The following DRP2 variants were observed in gnomAD, a reference collection of about 807,000 sequenced individuals.
DRP2 encodes the protein dystrophin related protein 2.
Under a neutral mutation model 78.2 loss-of-function variants are expected in DRP2, and 29 were observed. The ratio of observed to expected loss-of-function variants is 0.37; its 90% CI spans 0.28 to 0.51. The LOEUF is 0.51. DRP2 is among the 20% of genes least tolerant of loss of function. The probability of loss-of-function intolerance (pLI) is 0.94; values close to 1 mark genes in which losing one functional copy is unlikely to be tolerated. For synonymous variants in DRP2, 290 were observed against 281.9 expected, an observed-to-expected ratio of 1.03 and a Z score of -0.29; for missense variants, 686 against 770.6, an observed-to-expected ratio of 0.89 and a Z score of 1.30.
Position 101,248,216 on chromosome X carries a change from G to C in DRP2, c.1380G>C (p.Glu460Asp). 1 of 1,211,856 alleles carries C rather than the reference G, an allele frequency of 8.3e-7. No homozygotes were observed. Among genetic ancestry groups the C allele is most frequent in the Non-Finnish European group, 1.1e-6 (1 of 895,525 alleles). Residue 460 changes from glutamate to aspartate, a missense_variant, in exon 13 of 24, where the codon GAG (glutamate) becomes GAC (aspartate). Physicochemically the swap from Glu to Asp is conservative, Grantham distance 45. Coordinates refer to ENST00000395209, the MANE Select transcript of DRP2 (RefSeq NM_001939.3). ...CTGCCTTATATGAACGTTTGGAGGA[G>C]GAAAGAGGCATCCTGGTCAACGTGC... ...CLTALYERLE[E>D]ERGILVNVPL...
Position 101,242,987 on chromosome X carries a change from G to A in DRP2, c.1054+5G>A. On this transcript the variant is annotated splice_donor_5th_base_variant and intron_variant, in intron 9 of 23. Coordinates refer to ENST00000395209, the MANE Select transcript of DRP2 (RefSeq NM_001939.3). Reference sequence around the variant, plus strand: ...GGTCACAGCACTTTCTCTCCTGTACGTGAACCAAACTGGACTCCACTTAGC... The same window carrying A: ...GGTCACAGCACTTTCTCTCCTGTACATGAACCAAACTGGACTCCACTTAGC... 1 of 1,208,274 alleles carries A rather than the reference G, an allele frequency of 8.3e-7. No homozygotes were observed.
At chrX:101,235,731 A>G (rs781310438) in intron 3 of DRP2, 129 bp from the exon 4 acceptor site, 1 of 655,608 alleles carries the variant, frequency 1.5e-6, no homozygotes, top group South Asian at 3.2e-5. Context: ...GAACACACAG[A>G]GAATAGCATT....
intron 10 of DRP2, 68 bp downstream of exon 10, chrX:101,245,145 C>T (rs1463695798): frequency 6.7e-6 from 7 of 1,050,259 alleles, no homozygotes; most frequent in Non-Finnish European, 9.2e-6. Context: ...TGCCTTTTTG[C>T]TACCTGTCCT....
intron 3 of DRP2, among the ~76,000 whole-genome samples, chrX:101,232,076 C>T (rs1270401807): frequency 9.0e-6 from 1 of 110,667 alleles, no homozygotes; most frequent in Admixed American, 9.6e-5. Flanking sequence ...TCCTTCAGGG[C>T]ATGGTCTAGG....
At chrX:101,237,843 C>T in intron 5 of DRP2, 68 bp downstream of exon 5, 1 of 997,303 alleles carries the variant, frequency 1.0e-6, no homozygotes. Flanking sequence ...TCTTCAGTAC[C>T]CTGACAGACA....
rs1320840226 is a variant in DRP2, at chrX:101,262,890, T to C, written c.*2269T>C. The C allele has an allele frequency of 4.5e-5, 5 of 110,950 alleles. No individual in the cohort carries two copies. The highest frequency in any genetic ancestry group is 1.3e-4 in the African/African-American group (4 of 30,442). The allele number at this position is 110,950 out of a possible 1,213,427, so 9.1% of individuals were successfully genotyped here. On this transcript the variant is annotated 3_prime_UTR_variant, in exon 24 of 24. Coordinates refer to ENST00000395209, the MANE Select transcript of DRP2 (RefSeq NM_001939.3). ...TGCCTAAGCCTTAGGCGGGTACATG[T>C]TATGGAGCAATTTTTTACCAGGAAA...
In DRP2 at chrX:101,260,478, T is replaced by C. The variant is rs1185734845; in HGVS notation, c.2750-19T>C. 1 of 1,203,007 alleles carries C rather than the reference T, an allele frequency of 8.3e-7. No individual in the cohort carries two copies. Among genetic ancestry groups the C allele is most frequent in the African/African-American group, 1.8e-5 (1 of 56,894 alleles). The stretch of plus-strand genomic sequence containing the variant: ...AGGAGTCTCTAGTTCTCTTCTCAAA[T>C]CTCTGTTTTTTAACCCAGATGATGT... On this transcript the variant is annotated intron_variant, in intron 23 of 23. Transcript: ENST00000395209.
intron 2 of DRP2, among the ~76,000 whole-genome samples, chrX:101,230,894 A>G (rs956981939): frequency 1.8e-5 from 2 of 111,790 alleles, no homozygotes; most frequent in African/African-American, 6.5e-5. Flanking sequence ...TCTTCACTTC[A>G]TCCCATAAAC....
Position 101,238,970 on chromosome X carries a change from A to ATCT in DRP2, c.439-11_439-10insTCT, listed in dbSNP as rs1922609331. On this transcript the variant is annotated splice_polypyrimidine_tract_variant and intron_variant, in intron 5 of 23. Coordinates refer to ENST00000395209, the MANE Select transcript of DRP2 (RefSeq NM_001939.3). ...TTCCTTTCCTGTTGACCATATTGCT[A>ATCT]AACTTTATAGGCCTTTATGGAAGAA... 2.5e-6 allele frequency: 3 copies of ATCT among 1,206,153 alleles called. No homozygotes were observed. The highest frequency in any genetic ancestry group is 3.4e-6 in the Non-Finnish European group (3 of 892,975).
At position 101,224,186 on chromosome X, in the gene DRP2, TTTTTG is replaced by T. The variant is rs1569507489; in HGVS notation, c.-166-413_-166-409del. 1.5e-3 allele frequency among the ~76,000 whole-genome samples: 107 copies of T among 70,276 alleles called. 9 individuals are homozygous for T. Among genetic ancestry groups the T allele is most frequent in the African/African-American group, 5.7e-3 (88 of 15,392 alleles). 61.0% of individuals were successfully genotyped at this position (70,276 alleles called of 115,157 possible). On this transcript the variant is annotated intron_variant, in intron 1 of 23. Coordinates refer to ENST00000395209, the MANE Select transcript of DRP2 (RefSeq NM_001939.3). ...AGAATAATAAATGTTTGCTGGGTTT[TTTTTG>T]TTTTTTTTTTTTTTTTTTTTTTTTT...
At position 101,260,676 on chromosome X, in the gene DRP2, C is replaced by T; in HGVS notation, c.*55C>T. ...AGTCCTCTCCTGGTTCCGGTCAAAG[C>T]CTTTCCTCAGCCTTCACCCAACCTT... On this transcript the variant is annotated 3_prime_UTR_variant, in exon 24 of 24. Coordinates refer to ENST00000395209, the MANE Select transcript of DRP2 (RefSeq NM_001939.3). The T allele has an allele frequency of 8.6e-7, 1 of 1,159,874 alleles. No individual in the cohort carries two copies. The highest frequency in any genetic ancestry group is 1.2e-6 in the Non-Finnish European group (1 of 867,987).
intron 2 of DRP2, among the ~76,000 whole-genome samples, chrX:101,228,895 G>A (rs766968777): frequency 4.1e-4 from 45 of 109,691 alleles, no homozygotes; most frequent in South Asian, 7.8e-4. Context: ...CAAAGTGAGA[G>A]ACCCTGTCTC....
intron 9 of DRP2, among the ~76,000 whole-genome samples, chrX:101,244,778 G>T (rs1162776953): frequency 8.9e-6 from 1 of 112,490 alleles, no homozygotes; most frequent in Admixed American, 9.3e-5. Flanking sequence ...CCACATCTCT[G>T]GTATGTTAGG....
chrX:101,260,819 T>A lies in DRP2; in HGVS notation c.*198T>A. The A allele has an allele frequency of 4.6e-6, 2 of 432,877 alleles. No homozygotes were observed. The highest frequency in any genetic ancestry group is 7.5e-6 in the Non-Finnish European group (2 of 267,473). 35.7% of individuals were successfully genotyped at this position (432,877 alleles called of 1,213,427 possible). A position where few individuals can be genotyped will look rare whatever the true frequency, so the allele number is the denominator to read the frequency against. The stretch of plus-strand genomic sequence containing the variant: ...AGTGATGGGAGAAGGGGAGGCATGA[T>A]TCTTCTGACCCTAGAAATGTTCCCT... On this transcript the variant is annotated 3_prime_UTR_variant, in exon 24 of 24. Coordinates refer to ENST00000395209, the MANE Select transcript of DRP2 (RefSeq NM_001939.3).
intron 12 of DRP2, among the ~76,000 whole-genome samples, chrX:101,247,486 T>G: frequency 8.9e-6 from 1 of 112,005 alleles, no homozygotes; most frequent in Admixed American, 9.5e-5. Flanking sequence ...TTGGGGTTAT[T>G]GGATGTAGCA....
At chrX:101,240,874 G>A (rs1211442872) in intron 6 of DRP2, among the ~76,000 whole-genome samples, 1 of 112,034 alleles carries the variant, frequency 8.9e-6, no homozygotes, top group East Asian at 2.8e-4. Context: ...TTAGCCTGGG[G>A]CTATGGGGCT....
chrX:101,241,055 G>A (rs1485753379), intron 6 of DRP2, among the ~76,000 whole-genome samples: 4 of 112,228 alleles, frequency 3.6e-5, no homozygotes, highest in African/African-American at 1.3e-4. Context: ...ACATTCCAGG[G>A]TCGTATGAAT....
intron 8 of DRP2, 27 bp downstream of exon 8, chrX:101,242,498 T>C (rs1289359276): frequency 1.1e-5 from 13 of 1,190,908 alleles, no homozygotes; most frequent in Non-Finnish European, 1.5e-5. Flanking sequence ...GAGTGAACCA[T>C]GGGGAGGTGC....
At position 101,260,957 on chromosome X, in the gene DRP2, G is replaced by A. The variant is rs1923534498; in HGVS notation, c.*336G>A. 5.5e-6 allele frequency: 1 copy of A among 180,249 alleles called. No homozygotes were observed. The highest frequency in any genetic ancestry group is 1.0e-5 in the Non-Finnish European group (1 of 97,908). The allele number at this position is 180,249 out of a possible 1,213,427, so 14.9% of individuals were successfully genotyped here. A position where few individuals can be genotyped will look rare whatever the true frequency, so the allele number is the denominator to read the frequency against. On this transcript the variant is annotated 3_prime_UTR_variant, in exon 24 of 24. Transcript: ENST00000395209. ...AGAAGCTGCCTTGCAGAGCTAAGCG[G>A]TACATGTTGGCCCCTCTTCCTTCTC...
Sources: gnomAD v4.1 joint callset for allele counts (sites outside exome capture counted in the v4.1 genomes callset) on GRCh38, gnomAD v4.1.1 for gene constraint, MANE v1.5 for transcripts, NCBI Gene and HGNC (gene_info 2026-07-23, HGNC 2026-07-21) for gene names.